CTNNBIP1: variants seen among roughly 807,000 people sequenced by gnomAD.
The protein encoded by CTNNBIP1 is beta-catenin-interacting protein 1.
A neutral mutation model predicts 11.8 loss-of-function variants in CTNNBIP1; 7 were observed. That is an observed-to-expected ratio of 0.60 (90% confidence interval 0.34 to 1.12). The LOEUF (loss-of-function observed/expected upper bound fraction) is 1.12, where lower values mean the gene tolerates loss of function less well. CTNNBIP1 is among the 50% of genes most tolerant of loss of function. The pLI is 0.03. For synonymous variants in CTNNBIP1, 58 were observed against 43.9 expected (o/e 1.32, Z -1.26); for missense variants, 101 against 113.4 (o/e 0.89, Z 0.50).
chr1:9,860,085 T>G (rs1638589721), intron 5 of CTNNBIP1, among the ~76,000 whole-genome samples: 2 of 152,086 alleles, frequency 1.3e-5, no homozygotes, highest in Admixed American at 6.5e-5. Flanking sequence ...TCAGCACAGG[T>G]GCTCAGAGGT....
At chr1:9,852,672 G>A (rs1274894256) in intron 5 of CTNNBIP1, among the ~76,000 whole-genome samples, 1 of 152,210 alleles carries the variant, frequency 6.6e-6, no homozygotes, top group African/African-American at 2.4e-5. Flanking sequence ...AGTGCTGCTT[G>A]CCCAGCTTGC....
At chr1:9,876,181 A>C (rs1053468585) in intron 3 of CTNNBIP1, among the ~76,000 whole-genome samples, 4 of 152,234 alleles carry the variant, frequency 2.6e-5, no homozygotes, top group African/African-American at 9.6e-5. Context: ...TGAGAACCAA[A>C]AGTAATGATG....
intron 1 of CTNNBIP1, among the ~76,000 whole-genome samples, chr1:9,898,392 C>A (rs1639453691): frequency 6.6e-6 from 1 of 151,910 alleles, no homozygotes; most frequent in South Asian, 2.1e-4. Flanking sequence ...GGTGTGGTGG[C>A]AGGTGCCTGT....
At position 9,871,347 on chromosome 1, in the gene CTNNBIP1, A is replaced by G. The variant is rs1638856841; in HGVS notation, c.97-70T>C. 8.7e-7 allele frequency: 1 copy of G among 1,152,444 alleles called. No homozygotes were observed. The highest frequency in any genetic ancestry group is 1.3e-6 in the Non-Finnish European group (1 of 791,606). 71.4% of individuals were successfully genotyped at this position (1,152,444 alleles called of 1,614,324 possible). The stretch of plus-strand genomic sequence containing the variant: ...CCCTGAAAGGCACCTGCACCCCTAG[A>G]GGCACCGCCTAGGCCTGCTTGGTCC... On this transcript the variant is annotated intron_variant, in intron 4 of 5. Transcript: ENST00000377263. The surrounding 1 kb of genome is among the most constrained non-coding windows in gnomAD (Gnocchi z 5.2).
chr1:9,850,652 C>G lies in CTNNBIP1; in HGVS notation c.*66G>C. On this transcript the variant is annotated 3_prime_UTR_variant, in exon 6 of 6. Transcript: ENST00000377263. ...GCAAGGGGGGCTGCTGCCACTCAGC[C>G]GGCCCAGGAGCCACACAGATCTCTT... 1 of 1,491,404 alleles carries G rather than the reference C, an allele frequency of 6.7e-7. No homozygotes were observed. Among genetic ancestry groups the G allele is most frequent in the African/African-American group, 1.4e-5 (1 of 72,530 alleles). The allele number at this position is 1,491,404 out of a possible 1,614,324, so 92.4% of individuals were successfully genotyped here.
chr1:9,874,109 G>A (rs1638917825), intron 3 of CTNNBIP1, among the ~76,000 whole-genome samples: 1 of 152,112 alleles, frequency 6.6e-6, no homozygotes, highest in Admixed American at 6.6e-5. Context: ...TCTCCAGCCT[G>A]TCTCTTCTTC....
At chr1:9,864,854 C>T (rs1005460086) in intron 5 of CTNNBIP1, among the ~76,000 whole-genome samples, 6 of 152,206 alleles carry the variant, frequency 3.9e-5, no homozygotes, top group African/African-American at 1.2e-4. Flanking sequence ...AAAGTGTTCC[C>T]CATTTGTTCT....
At chr1:9,887,087 G>C (rs1639204231) in intron 1 of CTNNBIP1, among the ~76,000 whole-genome samples, 1 of 152,164 alleles carries the variant, frequency 6.6e-6, no homozygotes, top group Admixed American at 6.5e-5. Context: ...AATGTGTCTT[G>C]AGGTCACCAA....
Position 9,851,192 on chromosome 1 carries a change from G to T in CTNNBIP1, c.188-416C>A, listed in dbSNP as rs1044878540. Reference sequence around the variant, plus strand: ...GACTCGCGTCTTGATGCCTTCGGAGGGTCTGGCTCACTGTGGTTTTAAATA... The same window carrying T: ...GACTCGCGTCTTGATGCCTTCGGAGTGTCTGGCTCACTGTGGTTTTAAATA... On this transcript the variant is annotated intron_variant, in intron 5 of 5. Coordinates refer to ENST00000377263, the MANE Select transcript of CTNNBIP1 (RefSeq NM_020248.3). This position sits in a 1 kb window ranked among gnomAD's most constrained non-coding sequence, Gnocchi z 4.8. Among the ~76,000 whole-genome samples the T allele has an allele frequency of 1.3e-5, 2 of 152,066 alleles. No individual in the cohort carries two copies. The highest frequency in any genetic ancestry group is 4.1e-4 in the South Asian group (2 of 4,830).
intron 2 of CTNNBIP1, among the ~76,000 whole-genome samples, chr1:9,880,210 T>A (rs1302444816): frequency 1.3e-5 from 2 of 151,808 alleles, no homozygotes; most frequent in Admixed American, 6.6e-5. Context: ...CTCCCACTTA[T>A]GAGTGAGAAC....
At chr1:9,863,463 G>A (rs1638674366) in intron 5 of CTNNBIP1, among the ~76,000 whole-genome samples, 1 of 152,186 alleles carries the variant, frequency 6.6e-6, no homozygotes, top group Admixed American at 6.5e-5. Flanking sequence ...GGAGAGAGGG[G>A]ACCCAGAAAC....
chr1:9,885,930 C>T (rs999421099), intron 1 of CTNNBIP1, among the ~76,000 whole-genome samples: 55 of 145,620 alleles, frequency 3.8e-4, no homozygotes, highest in African/African-American at 1.3e-3. Flanking sequence ...GAAACTCCAT[C>T]TTGAGGAAAA....
chr1:9,850,891 C>G (rs1638370446), intron 5 of CTNNBIP1, 115 bp from the exon 6 acceptor site: 1 of 930,724 alleles, frequency 1.1e-6, no homozygotes, highest in Admixed American at 1.7e-5. Context: ...TCGCGGCACT[C>G]TCTGAGGACA....
Position 9,867,157 on chromosome 1 carries a change from G to A in CTNNBIP1, c.187+4030C>T, listed in dbSNP as rs963180599. Among the ~76,000 whole-genome samples the A allele has an allele frequency of 6.6e-6, 1 of 152,188 alleles. No individual in the cohort carries two copies. The highest frequency in any genetic ancestry group is 2.4e-5 in the African/African-American group (1 of 41,440). On this transcript the variant is annotated intron_variant, in intron 5 of 5. Transcript: ENST00000377263. The surrounding 1 kb of genome is among the most constrained non-coding windows in gnomAD (Gnocchi z 4.6). ...AGGATGACAGCCCTGATTGAGGGAA[G>A]GGAGTGGGAAACAGCCAGTGAGGGG... is the stretch of plus-strand genomic sequence containing the variant.
chr1:9,880,827 G>A (rs961837924), intron 2 of CTNNBIP1, among the ~76,000 whole-genome samples: 3 of 152,164 alleles, frequency 2.0e-5, no homozygotes, highest in East Asian at 1.9e-4. Flanking sequence ...CTGATTGGTT[G>A]TGCACCGTGA....
rs1024684167 is a variant in CTNNBIP1, at chr1:9,883,379, G to C, written c.-110+326C>G. 6.6e-5 allele frequency among the ~76,000 whole-genome samples: 10 copies of C among 152,040 alleles called. No individual in the cohort carries two copies. The highest frequency in any genetic ancestry group is 2.4e-4 in the African/African-American group (10 of 41,372). On this transcript the variant is annotated intron_variant, in intron 2 of 5. Transcript: ENST00000377263. This position sits in a 1 kb window ranked among gnomAD's most constrained non-coding sequence, Gnocchi z 5.6. ...CAGTGAGAGCTGCTCCCGAGAGGCA[G>C]GAACCAGTGGGTTTTCTATGAAGGA...
chr1:9,878,926 G>A (rs527975772), intron 2 of CTNNBIP1, among the ~76,000 whole-genome samples: 41 of 152,280 alleles, frequency 2.7e-4, no homozygotes, highest in Admixed American at 1.1e-3. Context: ...TGCCAGGCGC[G>A]GTGGCTCACA....
intron 1 of CTNNBIP1, among the ~76,000 whole-genome samples, chr1:9,908,196 C>T (rs190383169): frequency 3.3e-5 from 5 of 151,910 alleles, no homozygotes; most frequent in Admixed American, 6.6e-5. Flanking sequence ...GTAGCTGGGA[C>T]TACAGGCATG....
intron 1 of CTNNBIP1, among the ~76,000 whole-genome samples, chr1:9,885,507 G>C (rs1489725919): frequency 6.6e-6 from 1 of 152,076 alleles, no homozygotes; most frequent in African/African-American, 2.4e-5. Context: ...AGCTAGGTGT[G>C]GTGGCGTGCA....
Sources: gnomAD v4.1 joint callset for allele counts (sites outside exome capture counted in the v4.1 genomes callset) on GRCh38, gnomAD v4.1.1 for gene constraint, Gnocchi (gnomAD v3.1) non-coding constraint, MANE v1.5 for transcripts, NCBI Gene and HGNC (gene_info 2026-07-23, HGNC 2026-07-21) for gene names.